The following SPRED1 variants were observed in gnomAD, a reference collection of about 807,000 sequenced individuals.
SPRED1 encodes sprouty related EVH1 domain containing 1, also known as sprouty-related, EVH1 domain-containing protein 1.
SPRED1 carries 18 observed loss-of-function variants against 52.3 expected under a neutral mutation model. The ratio of observed to expected loss-of-function variants is 0.34; its 90% confidence interval spans 0.24 to 0.51. SPRED1 has a LOEUF of 0.51. SPRED1 is among the 20% of genes least tolerant of loss of function. SPRED1 has a pLI of 0.97. For missense variants in SPRED1, 485 were observed against 551.0 expected (o/e 0.88, Z 1.20); for synonymous variants, 155 against 179.7 (o/e 0.86, Z 1.10).
At chr15:38,343,885 CTG>C (rs984568783) in intron 5 of SPRED1, among the ~76,000 whole-genome samples, 47 of 151,786 alleles carry the variant, frequency 3.1e-4, no homozygotes, top group African/African-American at 1.1e-3. Context: ...TAAAAATTAT[CTG>C]TAGTTTATGT....
At chr15:38,282,772 A>G (rs1439297241) in intron 1 of SPRED1, among the ~76,000 whole-genome samples, 1 of 152,122 alleles carries the variant, frequency 6.6e-6, no homozygotes, top group African/African-American at 2.4e-5. Flanking sequence ...TATAGATTAA[A>G]ATTTCTCTGC....
At position 38,351,824 on chromosome 15, in the gene SPRED1, T is replaced by A; in HGVS notation, c.*160T>A. On this transcript the variant is annotated 3_prime_UTR_variant, in exon 7 of 7. Transcript: ENST00000299084. ...CATCAGTTCTTGGCGTTTCACGCCATGCCTAACTTTTCCCTTGAGTGCATG... is the reference window on the plus strand; with the variant it reads ...CATCAGTTCTTGGCGTTTCACGCCAAGCCTAACTTTTCCCTTGAGTGCATG... 1 of 879,476 alleles carries A rather than the reference T, an allele frequency of 1.1e-6. No individual in the cohort carries two copies. Among genetic ancestry groups the A allele is most frequent in the Non-Finnish European group, 1.7e-6 (1 of 575,614 alleles). The allele number at this position is 879,476 out of a possible 1,614,324, so 54.5% of individuals were successfully genotyped here. A position where few individuals can be genotyped will look rare whatever the true frequency, so the allele number is the denominator to read the frequency against.
chr15:38,316,763 T>G (rs796564546), intron 2 of SPRED1, among the ~76,000 whole-genome samples: 1 of 146,986 alleles, frequency 6.8e-6, no homozygotes, highest in Admixed American at 6.8e-5. Context: ...TTTTTTTTTT[T>G]TTTTTTTTTG....
chr15:38,263,632 C>T (rs1894246773), intron 1 of SPRED1, among the ~76,000 whole-genome samples: 1 of 152,080 alleles, frequency 6.6e-6, no homozygotes. Context: ...TTGGTGATTT[C>T]TAAGACAAGG....
At chr15:38,317,191 A>G (rs909875002) in intron 2 of SPRED1, among the ~76,000 whole-genome samples, 21 of 152,006 alleles carry the variant, frequency 1.4e-4, no homozygotes, top group African/African-American at 3.6e-4. Context: ...GCTTTTAATT[A>G]GAATTAGGGA....
Position 38,354,612 on chromosome 15 carries a change from C to T in SPRED1, c.*2948C>T, listed in dbSNP as rs1226975693. 2.0e-5 allele frequency: 3 copies of T among 152,182 alleles called. No homozygotes were observed. Among genetic ancestry groups the T allele is most frequent in the African/African-American group, 7.2e-5 (3 of 41,440 alleles). The allele number at this position is 152,182 out of a possible 1,614,324, so 9.4% of individuals were successfully genotyped here. On this transcript the variant is annotated 3_prime_UTR_variant, in exon 7 of 7. Coordinates refer to ENST00000299084, the MANE Select transcript of SPRED1 (RefSeq NM_152594.3). Reference sequence around the variant, plus strand: ...TAAAGGGCTATTTATGTGGTGACCACCTCTACCAGGGAAACCAGGAATAAG... The same window carrying T: ...TAAAGGGCTATTTATGTGGTGACCATCTCTACCAGGGAAACCAGGAATAAG...
chr15:38,345,106 A>G (rs970532272), intron 5 of SPRED1, among the ~76,000 whole-genome samples: 1 of 152,216 alleles, frequency 6.6e-6, no homozygotes, highest in Non-Finnish European at 1.5e-5. Context: ...GCCTCACAGG[A>G]TGAGTTTTTC....
At chr15:38,277,712 A>G (rs189381692) in intron 1 of SPRED1, among the ~76,000 whole-genome samples, 59 of 152,340 alleles carry the variant, frequency 3.9e-4, no homozygotes, top group Admixed American at 2.4e-3. Flanking sequence ...CAGAAGCTAA[A>G]CTAATTTACA....
At chr15:38,294,443 G>A (rs1302912697) in intron 1 of SPRED1, among the ~76,000 whole-genome samples, 2 of 152,028 alleles carry the variant, frequency 1.3e-5, no homozygotes, top group African/African-American at 4.8e-5. Flanking sequence ...CTTCGAGAAC[G>A]TGTTTCCTCC....
At position 38,267,909 on chromosome 15, in the gene SPRED1, ATAT is replaced by A. The variant is rs749475006; in HGVS notation, c.32+14693_32+14695del. Among the ~76,000 whole-genome samples the A allele has an allele frequency of 1.2e-4, 19 of 152,194 alleles. 1 individual carries two copies. Among genetic ancestry groups the A allele is most frequent in the Non-Finnish European group, 2.2e-4 (15 of 68,026 alleles). ...ACATACACGCACGTATGCCCATAGG[ATAT>A]ACATATGAAAAGATTTAGTGTTTAA... On this transcript the variant is annotated intron_variant, in intron 1 of 6. Transcript: ENST00000299084.
rs1362629297 is a variant in SPRED1, at chr15:38,278,449, C to T, written c.33-20924C>T. ...AGTGAGCCATGGTTGTGCCACTGCA[C>T]TCCAGCGTGGATGACACAGAGAGAC... On this transcript the variant is annotated intron_variant, in intron 1 of 6. Transcript: ENST00000299084. 2.0e-5 allele frequency among the ~76,000 whole-genome samples: 3 copies of T among 152,302 alleles called. No homozygotes were observed. The East Asian group carries it at 5.8e-4, about 29-fold the overall frequency.
chr15:38,260,604 G>C (rs974187996), intron 1 of SPRED1, among the ~76,000 whole-genome samples: 1 of 152,000 alleles, frequency 6.6e-6, no homozygotes, highest in East Asian at 1.9e-4. Flanking sequence ...AGTTATTAAA[G>C]CTATTGCTAG....
At position 38,356,702 on chromosome 15, in the gene SPRED1, T is replaced by C. The variant is rs1888629861; in HGVS notation, c.*5038T>C. On this transcript the variant is annotated 3_prime_UTR_variant, in exon 7 of 7. Transcript: ENST00000299084. ...TATTGGTTTGGTAACATGTTGCAGC[T>C]AAGCTAATGACCTTAAGTGGCAATT... 1 of 152,132 alleles carries C rather than the reference T, an allele frequency of 6.6e-6. No individual in the cohort carries two copies. The highest frequency in any genetic ancestry group is 1.5e-5 in the Non-Finnish European group (1 of 67,978). 9.4% of individuals were successfully genotyped at this position (152,132 alleles called of 1,614,324 possible).
intron 5 of SPRED1, among the ~76,000 whole-genome samples, chr15:38,344,557 G>A (rs2141011496): frequency 6.6e-6 from 1 of 152,232 alleles, no homozygotes; most frequent in Admixed American, 6.5e-5. Flanking sequence ...TCTTAGCTTT[G>A]GGATTATGAC....
chr15:38,310,151 G>GTT lies in SPRED1; in HGVS notation c.207+10605_207+10606insTT, dbSNP rs780755149. Among the ~76,000 whole-genome samples, 273 of 122,748 alleles carry GTT rather than the reference G, an allele frequency of 2.2e-3. 4 individuals are homozygous for GTT. Among genetic ancestry groups the GTT allele is most frequent in the Middle Eastern group, 4.3e-3 (1 of 234 alleles). The allele number at this position is 122,748 out of a possible 152,430, so 80.5% of individuals were successfully genotyped here. ...TGTGTGTGTGTGTGTGTGTGTGTGT[G>GTT]TGTTTGGAGACGAAGTTTCGCTCTT... On this transcript the variant is annotated intron_variant, in intron 2 of 6. Coordinates refer to ENST00000299084, the MANE Select transcript of SPRED1 (RefSeq NM_152594.3).
chr15:38,328,586 T>G (rs755664835), intron 4 of SPRED1, among the ~76,000 whole-genome samples: 1 of 152,236 alleles, frequency 6.6e-6, no homozygotes, highest in Non-Finnish European at 1.5e-5. Flanking sequence ...CATACATAGT[T>G]GGCACTCAAA....
chr15:38,269,269 G>A (rs1323318911), intron 1 of SPRED1, among the ~76,000 whole-genome samples: 1 of 152,058 alleles, frequency 6.6e-6, no homozygotes, highest in East Asian at 1.9e-4. Context: ...AAGAGACAGT[G>A]TCTCTCACTT....
At chr15:38,272,407 T>TA (rs1894456762) in intron 1 of SPRED1, among the ~76,000 whole-genome samples, 1 of 151,954 alleles carries the variant, frequency 6.6e-6, no homozygotes. Context: ...TAGTTGGGAT[T>TA]ACAGGCACCA....
intron 1 of SPRED1, among the ~76,000 whole-genome samples, chr15:38,261,998 C>CTT (rs35445689): frequency 0.62 from 84,129 of 135,568 alleles, 26,726 homozygotes; most frequent in South Asian, 0.71. Flanking sequence ...TCACCAAACT[C>CTT]TTTTTTTTTT....
Sources: gnomAD v4.1 joint callset for allele counts (sites outside exome capture counted in the v4.1 genomes callset) on GRCh38, gnomAD v4.1.1 for gene constraint, MANE v1.5 for transcripts, NCBI Gene and HGNC (gene_info 2026-07-23, HGNC 2026-07-21) for gene names.